The following PRKN variants were observed in gnomAD, a reference collection of about 807,000 sequenced individuals.
PRKN encodes the protein E3 ubiquitin-protein ligase parkin.
A neutral mutation model predicts 59.5 loss-of-function variants in PRKN; 56 were observed. That is an observed-to-expected ratio of 0.94 (90% CI 0.76 to 1.18). The LOEUF (loss-of-function observed/expected upper bound fraction) is 1.18, where lower values mean the gene tolerates loss of function less well. Among genes scored for constraint, PRKN ranks in the 50% most tolerant of loss-of-function variants. The pLI is 0.00. For missense variants in PRKN, 657 were observed against 596.4 expected, an observed-to-expected ratio of 1.10 and a Z score of -1.06; for synonymous variants, 250 against 222.1, an observed-to-expected ratio of 1.13 and a Z score of -1.12.
chr6:162,215,198 C>T (rs1777587893), intron 3 of PRKN, among the ~76,000 whole-genome samples: 1 of 152,176 alleles, frequency 6.6e-6, no homozygotes. Context: ...AATTTTATCT[C>T]TCCTACCAGG....
intron 6 of PRKN, among the ~76,000 whole-genome samples, chr6:161,958,298 T>G (rs1780256313): frequency 6.6e-6 from 1 of 152,208 alleles, no homozygotes; most frequent in African/African-American, 2.4e-5. Flanking sequence ...CGCTAAATTG[T>G]TCCTCTCTTC....
intron 7 of PRKN, among the ~76,000 whole-genome samples, chr6:161,632,075 G>C (rs561115960): frequency 6.6e-6 from 1 of 152,316 alleles, no homozygotes; most frequent in African/African-American, 2.4e-5. Flanking sequence ...CCAAGACTGT[G>C]CACCAATGTC....
At chr6:162,534,100 T>C (rs534205771) in intron 1 of PRKN, among the ~76,000 whole-genome samples, 87 of 152,298 alleles carry the variant, frequency 5.7e-4, no homozygotes, top group African/African-American at 2.0e-3. Context: ...CTTTGAATAT[T>C]TGGGGCATGC....
chr6:162,050,945 G>A (rs777058096), intron 5 of PRKN, among the ~76,000 whole-genome samples: 4 of 152,070 alleles, frequency 2.6e-5, no homozygotes, highest in African/African-American at 9.7e-5. Flanking sequence ...CATGGTGTTC[G>A]GAAAGGCCTG....
intron 4 of PRKN, among the ~76,000 whole-genome samples, chr6:162,161,893 T>G (rs746797594): frequency 6.6e-6 from 1 of 152,226 alleles, no homozygotes; most frequent in African/African-American, 2.4e-5. Flanking sequence ...TGATTATTGT[T>G]GTTAATCTCT....
chr6:162,624,197 G>A (rs1782790801), intron 1 of PRKN, among the ~76,000 whole-genome samples: 2 of 151,256 alleles, frequency 1.3e-5, no homozygotes, highest in South Asian at 4.2e-4. Flanking sequence ...GCAGTGAGCT[G>A]GGATCATGCC....
intron 1 of PRKN, among the ~76,000 whole-genome samples, chr6:162,505,316 C>T (rs1793562390): frequency 6.6e-6 from 1 of 152,142 alleles, no homozygotes; most frequent in Non-Finnish European, 1.5e-5. Context: ...ACAATGATTA[C>T]ATGCATTGTG....
chr6:162,006,453 ATAT>A (rs1782257900), intron 5 of PRKN, among the ~76,000 whole-genome samples: 1 of 152,194 alleles, frequency 6.6e-6, no homozygotes, highest in South Asian at 2.1e-4. Flanking sequence ...AAACCAGATC[ATAT>A]TCTTCCCCTA....
chr6:162,036,277 T>TTG (rs1486086056), intron 5 of PRKN, among the ~76,000 whole-genome samples: 2 of 151,504 alleles, frequency 1.3e-5, no homozygotes, highest in Non-Finnish European at 2.9e-5. Context: ...TGAGCCGAGA[T>TTG]CACGCCACTG....
chr6:161,395,406 T>C lies in PRKN; in HGVS notation c.1084-8529A>G, dbSNP rs185625262. Reference sequence around the variant, plus strand: ...TCAGCATTTAGGTCCTTCCAATATTTTGCCATGACAAACAAAGCTGCAGGG... The same window carrying C: ...TCAGCATTTAGGTCCTTCCAATATTCTGCCATGACAAACAAAGCTGCAGGG... On this transcript the variant is annotated intron_variant, in intron 9 of 11. Coordinates refer to ENST00000366898, the MANE Select transcript of PRKN (RefSeq NM_004562.3). This position sits in a 1 kb window ranked among gnomAD's most constrained non-coding sequence, Gnocchi z 5.0. 4.7e-4 allele frequency among the ~76,000 whole-genome samples: 71 copies of C among 152,294 alleles called. 1 individual carries two copies. The highest frequency in any genetic ancestry group is 1.5e-3 in the African/African-American group (64 of 41,554).
At position 161,861,704 on chromosome 6, in the gene PRKN, G is replaced by GT. The variant is rs1183117685; in HGVS notation, c.735-75797dup. On this transcript the variant is annotated intron_variant, in intron 6 of 11. Coordinates refer to ENST00000366898, the MANE Select transcript of PRKN (RefSeq NM_004562.3). Reference sequence around the variant, plus strand: ...AGATAATCCCCAAATCCTACCAACTGTCCCTTGAAATGTCTCACAATCTGT... The same window carrying GT: ...AGATAATCCCCAAATCCTACCAACTGTTCCCTTGAAATGTCTCACAATCTGT... Among the ~76,000 whole-genome samples the GT allele has an allele frequency of 2.7e-5, 4 of 150,504 alleles. No homozygotes were observed. The East Asian group carries it at 7.8e-4, about 30-fold the overall frequency.
intron 6 of PRKN, among the ~76,000 whole-genome samples, chr6:161,959,346 G>A (rs1562419655): frequency 6.6e-6 from 1 of 151,900 alleles, no homozygotes; most frequent in Admixed American, 6.6e-5. Context: ...TGCAGGCCTC[G>A]GTTCCGACGG....
intron 3 of PRKN, among the ~76,000 whole-genome samples, chr6:162,235,954 A>G (rs76198933): frequency 0.018 from 1,328 of 75,272 alleles, 24 homozygotes; most frequent in Non-Finnish European, 0.021. Context: ...AGGAAGGAAG[A>G]AAGGAAGAAA....
intron 5 of PRKN, among the ~76,000 whole-genome samples, chr6:162,014,575 T>C (rs746717975): frequency 6.6e-6 from 1 of 152,176 alleles, no homozygotes; most frequent in Non-Finnish European, 1.5e-5. Flanking sequence ...CCTTGACCAG[T>C]GCACCATTCC....
chr6:162,297,402 C>T (rs1781730719), intron 2 of PRKN, among the ~76,000 whole-genome samples: 3 of 151,926 alleles, frequency 2.0e-5, no homozygotes, highest in African/African-American at 4.8e-5. Flanking sequence ...GTGTCTGATA[C>T]CATGTAAGGC....
intron 7 of PRKN, among the ~76,000 whole-genome samples, chr6:161,778,226 A>G (rs1004239535): frequency 6.6e-6 from 1 of 152,156 alleles, no homozygotes; most frequent in African/African-American, 2.4e-5. Context: ...TGGTGATCAA[A>G]GTCCTTTGGA....
At chr6:161,650,970 C>T (rs79901112) in intron 7 of PRKN, among the ~76,000 whole-genome samples, 8,439 of 152,202 alleles carry the variant, frequency 0.055, 340 homozygotes, top group Non-Finnish European at 0.08. Flanking sequence ...TTACATAATA[C>T]GTTTATTATA....
chr6:161,927,530 T>G (rs994551477), intron 6 of PRKN, among the ~76,000 whole-genome samples: 1 of 152,042 alleles, frequency 6.6e-6, no homozygotes, highest in Admixed American at 6.6e-5. Flanking sequence ...AATTAGAAAA[T>G]GGCTAAGGGA....
intron 9 of PRKN, among the ~76,000 whole-genome samples, chr6:161,501,845 C>T (rs1196770463): frequency 6.6e-6 from 1 of 152,192 alleles, no homozygotes; most frequent in African/African-American, 2.4e-5. Flanking sequence ...GGGTTTCCTT[C>T]AGGCAGCACA....
Sources: gnomAD v4.1 joint callset for allele counts (sites outside exome capture counted in the v4.1 genomes callset) on GRCh38, gnomAD v4.1.1 for gene constraint, Gnocchi (gnomAD v3.1) non-coding constraint, MANE v1.5 for transcripts, NCBI Gene and HGNC (gene_info 2026-07-23, HGNC 2026-07-21) for gene names.